Variants in BCAS3 observed in about 807,000 individuals in gnomAD.
BCAS3 encodes the protein BCAS3 microtubule associated cell migration factor.
Under a neutral mutation model 116.1 loss-of-function variants are expected in BCAS3, and 53 were observed. That is an observed-to-expected ratio of 0.46 (90% CI 0.37 to 0.57). BCAS3 has a LOEUF of 0.57. Ranked by LOEUF, BCAS3 falls within the 20% of genes least tolerant of loss-of-function variation. BCAS3 has a pLI of 0.00. For missense variants in BCAS3, 917 were observed against 1,165.4 expected (o/e 0.79, Z 3.10); for synonymous variants, 391 against 408.2 (o/e 0.96, Z 0.51).
chr17:60,778,852 A>G (rs370363287), intron 6 of BCAS3, among the ~76,000 whole-genome samples: 6 of 152,328 alleles, frequency 3.9e-5, no homozygotes, highest in East Asian at 1.9e-4. Flanking sequence ...TGTGTTGGGC[A>G]TATGCTATAA....
intron 19 of BCAS3, among the ~76,000 whole-genome samples, chr17:61,071,053 A>G (rs1340084483): frequency 6.6e-6 from 1 of 152,192 alleles, no homozygotes; most frequent in Admixed American, 6.5e-5. Flanking sequence ...TATGTCCCCC[A>G]ACATCAGCCA....
intron 7 of BCAS3, among the ~76,000 whole-genome samples, chr17:60,845,797 T>TTC (rs1210163979): frequency 3.4e-5 from 5 of 149,220 alleles, no homozygotes; most frequent in Non-Finnish European, 7.4e-5. Flanking sequence ...TTTTTTTTTT[T>TTC]TCTCTCTCTC....
chr17:60,881,134 C>G (rs530256365), intron 9 of BCAS3, among the ~76,000 whole-genome samples: 1 of 152,114 alleles, frequency 6.6e-6, no homozygotes, highest in Admixed American at 6.6e-5. Flanking sequence ...GCCACCACAC[C>G]CTGCTAATTT....
At position 60,838,009 on chromosome 17, in the gene BCAS3, T is replaced by A. The variant is rs79192811; in HGVS notation, c.476+29933T>A. Among the ~76,000 whole-genome samples, 176 of 152,270 alleles carry A rather than the reference T, an allele frequency of 1.2e-3. 1 individual carries two copies. Among genetic ancestry groups the A allele is most frequent in the African/African-American group, 3.8e-3 (159 of 41,548 alleles). ...AAAATTTAACATTTAAATTAAAAAA[T>A]TTTAAAGCTTATTTTTCCCATGAAG... On this transcript the variant is annotated intron_variant, in intron 7 of 23. Transcript: ENST00000407086.
chr17:61,120,901 A>G (rs1326376669), intron 22 of BCAS3, among the ~76,000 whole-genome samples: 1 of 152,010 alleles, frequency 6.6e-6, no homozygotes, highest in Non-Finnish European at 1.5e-5. Context: ...TTTATCCTCC[A>G]TCTCCTTGTT....
chr17:61,226,331 T>TA lies in BCAS3; in HGVS notation c.2425+141772dup, dbSNP rs1181414104. ...AATTTTCAGGTAAGCCCAGCTGGTC[T>TA]AAAAAGATTGGCAATATTTGAAACA... On this transcript the variant is annotated intron_variant, in intron 22 of 23. Coordinates refer to ENST00000407086, the MANE Select transcript of BCAS3 (RefSeq NM_017679.5). The surrounding 1 kb of genome is among the most constrained non-coding windows in gnomAD (Gnocchi z 6.0). Among the ~76,000 whole-genome samples, 4 of 152,238 alleles carry TA rather than the reference T, an allele frequency of 2.6e-5. No homozygotes were observed. The highest frequency in any genetic ancestry group is 5.9e-5 in the Non-Finnish European group (4 of 68,042).
intron 13 of BCAS3, among the ~76,000 whole-genome samples, chr17:60,925,603 G>A (rs530806477): frequency 6.6e-6 from 1 of 152,130 alleles, no homozygotes; most frequent in East Asian, 1.9e-4. Flanking sequence ...TTCTGTCCTG[G>A]TCTCTGCATT....
intron 6 of BCAS3, among the ~76,000 whole-genome samples, chr17:60,754,909 G>A (rs925596804): frequency 3.9e-5 from 6 of 152,168 alleles, no homozygotes; most frequent in East Asian, 1.9e-4. Flanking sequence ...TCTAATTACT[G>A]CTCAGTTTGC....
chr17:61,263,795 A>G (rs546517835), intron 22 of BCAS3, among the ~76,000 whole-genome samples: 3 of 152,382 alleles, frequency 2.0e-5, no homozygotes, highest in South Asian at 4.1e-4. Context: ...ACAGTGGAAC[A>G]TAATGTACAT....
intron 22 of BCAS3, among the ~76,000 whole-genome samples, chr17:61,290,748 A>C (rs2052307060): frequency 6.6e-6 from 1 of 152,072 alleles, no homozygotes; most frequent in South Asian, 2.1e-4. Flanking sequence ...AGCCTTGAAA[A>C]TCTTGGGAGT....
intron 19 of BCAS3, among the ~76,000 whole-genome samples, chr17:61,058,432 T>C (rs1219253742): frequency 1.3e-5 from 2 of 152,170 alleles, no homozygotes; most frequent in Non-Finnish European, 2.9e-5. Flanking sequence ...AAAGCTGAGA[T>C]TTGGGGATTT....
At chr17:60,811,288 G>C in intron 7 of BCAS3, 1 of 895,476 alleles carries the variant, frequency 1.1e-6, no homozygotes. Flanking sequence ...AGGTCAAGCT[G>C]GAGACTGAGA....
chr17:60,953,662 A>G (rs2060964962), intron 14 of BCAS3, among the ~76,000 whole-genome samples: 1 of 149,604 alleles, frequency 6.7e-6, no homozygotes, highest in Admixed American at 6.6e-5. Context: ...CCAGAATGGT[A>G]TTGCCTAGGT....
chr17:61,304,713 T>C (rs1166963068), intron 22 of BCAS3, among the ~76,000 whole-genome samples: 1 of 152,132 alleles, frequency 6.6e-6, no homozygotes, highest in Non-Finnish European at 1.5e-5. Flanking sequence ...CAACATGTCT[T>C]TGCAGTTCCC....
intron 6 of BCAS3, among the ~76,000 whole-genome samples, chr17:60,766,322 G>A (rs1273533419): frequency 6.6e-6 from 1 of 152,162 alleles, no homozygotes; most frequent in Admixed American, 6.5e-5. Flanking sequence ...CATCTTTGTG[G>A]TTTTATTTAC....
rs542607672 is a variant in BCAS3 at position 61,217,777 on chromosome 17, G to A, written c.2425+133213G>A. On this transcript the variant is annotated intron_variant, in intron 22 of 23. Transcript: ENST00000407086. This position sits in a 1 kb window ranked among gnomAD's most constrained non-coding sequence, Gnocchi z 5.2. Reference sequence around the variant, plus strand: ...CACTGCTTTGCTTCTACTCCTCTAAGCCTTTTTTCCCCTCCCTTATTAAAA... The same window carrying A: ...CACTGCTTTGCTTCTACTCCTCTAAACCTTTTTTCCCCTCCCTTATTAAAA... 5.9e-5 allele frequency among the ~76,000 whole-genome samples: 9 copies of A among 152,198 alleles called. No individual in the cohort carries two copies. In the East Asian group the frequency reaches 1.3e-3, roughly 23 times the overall value.
At chr17:60,770,131 G>T (rs1056508200) in intron 6 of BCAS3, among the ~76,000 whole-genome samples, 2 of 152,008 alleles carry the variant, frequency 1.3e-5, no homozygotes, top group African/African-American at 4.8e-5. Context: ...AAAGCCTGTG[G>T]GAGTTCAAGT....
intron 7 of BCAS3, among the ~76,000 whole-genome samples, chr17:60,847,340 A>T (rs2052632031): frequency 6.6e-6 from 1 of 152,136 alleles, no homozygotes; most frequent in South Asian, 2.1e-4. Flanking sequence ...CCTCTTGGGT[A>T]TATACCTAGG....
Position 60,738,644 on chromosome 17 carries a change from C to T in BCAS3, c.322-8554C>T, listed in dbSNP as rs571432561. ...TACAGTTGGATCTTGTGTTTTAATC[C>T]GTTTTCACAATCTCTGTTGTTTGAC... On this transcript the variant is annotated intron_variant, in intron 5 of 23. Coordinates refer to ENST00000407086, the MANE Select transcript of BCAS3 (RefSeq NM_017679.5). Among the ~76,000 whole-genome samples the T allele has an allele frequency of 9.2e-5, 14 of 152,108 alleles. 1 individual carries two copies. The highest frequency in any genetic ancestry group is 6.5e-4 in the Admixed American group (10 of 15,284).
Sources: allele counts gnomAD v4.1 joint callset (sites outside exome capture counted in the v4.1 genomes callset), GRCh38; gene constraint gnomAD v4.1.1; non-coding constraint Gnocchi (gnomAD v3.1); transcripts MANE v1.5; gene names NCBI Gene and HGNC (gene_info 2026-07-23, HGNC 2026-07-21).